Variants in RASSF6 observed in about 807,000 individuals in gnomAD.
The protein encoded by RASSF6 is ras association domain-containing protein 6.
RASSF6 carries 52 observed loss-of-function variants against 44.0 expected under a neutral mutation model. The ratio of observed to expected loss-of-function variants is 1.18; its 90% confidence interval spans 0.95 to 1.49. The LOEUF is 1.49. RASSF6 is among the 40% of genes most tolerant of loss of function. RASSF6 has a pLI of 0.00. For missense variants in RASSF6, 464 were observed against 393.3 expected (o/e 1.18, Z -1.52); for synonymous variants, 162 against 124.6 (o/e 1.30, Z -2.00).
chr4:73,613,480 C>T (rs1160197613), intron 1 of RASSF6, among the ~76,000 whole-genome samples: 1 of 152,126 alleles, frequency 6.6e-6, no homozygotes, highest in East Asian at 1.9e-4. Flanking sequence ...TCTAATAACC[C>T]ACCAAAAGGG....
At chr4:73,581,686 CTCCT>C in intron 8 of RASSF6, 127 bp downstream of exon 8, 2 of 587,090 alleles carry the variant, frequency 3.4e-6, no homozygotes, top group South Asian at 5.6e-5. Flanking sequence ...CTAAAGACCA[CTCCT>C]TCCTTTTCTC....
At chr4:73,584,206 G>A (rs534809309) in intron 6 of RASSF6, among the ~76,000 whole-genome samples, 5 of 152,066 alleles carry the variant, frequency 3.3e-5, no homozygotes, top group South Asian at 2.1e-4. Context: ...ACACACTATC[G>A]TTACCCCCCA....
intron 8 of RASSF6, among the ~76,000 whole-genome samples, chr4:73,579,391 T>C (rs1723457792): frequency 6.6e-6 from 1 of 152,198 alleles, no homozygotes; most frequent in Admixed American, 6.5e-5. Context: ...AAGTCATATT[T>C]TCACTAGTGT....
chr4:73,596,646 A>G (rs999298523), intron 3 of RASSF6, among the ~76,000 whole-genome samples: 2 of 152,226 alleles, frequency 1.3e-5, no homozygotes, highest in Admixed American at 6.5e-5. Flanking sequence ...ATATGAATCC[A>G]AAACAGCCTG....
chr4:73,582,167 T>G (rs778135548), intron 7 of RASSF6, 22 bp downstream of exon 7: 1 of 1,042,252 alleles, frequency 9.6e-7, no homozygotes, highest in East Asian at 2.5e-5. Context: ...TATTTATAGC[T>G]CAGTTAAGTG....
At chr4:73,576,870 A>G in intron 8 of RASSF6, 139 bp from the exon 9 acceptor site, 1 of 620,674 alleles carries the variant, frequency 1.6e-6, no homozygotes, top group Non-Finnish European at 2.9e-6. Flanking sequence ...TTACTCAAAA[A>G]AGCAAATTGA....
intron 2 of RASSF6, among the ~76,000 whole-genome samples, chr4:73,608,341 A>T (rs1463815830): frequency 5.3e-5 from 8 of 152,092 alleles, no homozygotes; most frequent in Non-Finnish European, 1.2e-4. Context: ...ACTAGGAATA[A>T]CAGATTATTA....
At chr4:73,613,564 C>T (rs1326486385) in intron 1 of RASSF6, among the ~76,000 whole-genome samples, 1 of 152,100 alleles carries the variant, frequency 6.6e-6, no homozygotes, top group African/African-American at 2.4e-5. Context: ...CTCCTGGGTC[C>T]AGATTATTTA....
intron 3 of RASSF6, among the ~76,000 whole-genome samples, chr4:73,597,669 C>T (rs1725020274): frequency 6.6e-6 from 1 of 152,148 alleles, no homozygotes; most frequent in Non-Finnish European, 1.5e-5. Flanking sequence ...GACATATTCA[C>T]ACATATGTTC....
intron 6 of RASSF6, among the ~76,000 whole-genome samples, chr4:73,583,721 T>A (rs1400818945): frequency 1.3e-5 from 2 of 151,976 alleles, no homozygotes; most frequent in African/African-American, 4.8e-5. Context: ...CTTGAGCTCA[T>A]TCAATCAACA....
intron 7 of RASSF6, 145 bp from the exon 8 acceptor site, chr4:73,582,013 A>G: frequency 2.9e-6 from 2 of 699,276 alleles, no homozygotes; most frequent in Non-Finnish European, 4.7e-6. Context: ...TGGGAATTAT[A>G]TAATTTTTCA....
Position 73,585,177 on chromosome 4 carries a change from T to A in RASSF6, c.567+3A>T. 6.3e-7 allele frequency: 1 copy of A among 1,576,904 alleles called. No homozygotes were observed. The highest frequency in any genetic ancestry group is 1.4e-5 in the African/African-American group (1 of 72,946). On this transcript the variant is annotated splice_donor_region_variant and intron_variant, in intron 6 of 10. Transcript: ENST00000307439. The stretch of plus-strand genomic sequence containing the variant: ...TACATTAATGGAATTGTAACTCACT[T>A]ACTTCATGGTTATAGAAGTGTCCAT...
chr4:73,607,436 T>C (rs1725716489), intron 2 of RASSF6, among the ~76,000 whole-genome samples: 1 of 152,228 alleles, frequency 6.6e-6, no homozygotes, highest in South Asian at 2.1e-4. Context: ...CCACCCACTG[T>C]CCTGAACTTT....
At chr4:73,620,151 C>A in intron 1 of RASSF6, 137 bp downstream of exon 1, 1 of 448,788 alleles carries the variant, frequency 2.2e-6, no homozygotes, top group East Asian at 4.3e-5. Flanking sequence ...AAGGAAAAGG[C>A]ATGTGTGCGA....
chr4:73,605,348 A>C (rs1725549887), intron 2 of RASSF6, among the ~76,000 whole-genome samples: 1 of 152,204 alleles, frequency 6.6e-6, no homozygotes, highest in Admixed American at 6.5e-5. Context: ...CTATTTGCCA[A>C]GATAAATCAT....
chr4:73,612,189 C>T (rs935979808), intron 1 of RASSF6, among the ~76,000 whole-genome samples: 23 of 152,148 alleles, frequency 1.5e-4, no homozygotes, highest in African/African-American at 4.3e-4. Context: ...CAGAAGACAA[C>T]TGCAATTCTA....
Position 73,576,261 on chromosome 4 carries a change from C to T in RASSF6, c.988G>A (p.Val330Ile), listed in dbSNP as rs1723206087. 1 of 1,560,340 alleles carries T rather than the reference C, an allele frequency of 6.4e-7. No homozygotes were observed. The highest frequency in any genetic ancestry group is 1.4e-5 in the African/African-American group (1 of 73,452). ...TAAACTGTTGTCTCTGTTTTTATTA[C>T]TAGTTTATTTTGAAGACATTTCAGT... ...IILKCLQNKL[V>I]IKTETTV The change falls in exon 11 of 11, where the codon GTA (valine) becomes ATA (isoleucine). Residue 330 changes from valine to isoleucine, a missense_variant. Transcript: ENST00000307439.
intron 4 of RASSF6, among the ~76,000 whole-genome samples, chr4:73,591,052 G>C (rs1560447973): frequency 4.6e-5 from 7 of 152,146 alleles, no homozygotes; most frequent in Admixed American, 3.9e-4. Context: ...AGGAACAAGT[G>C]TTTTAAATTT....
intron 6 of RASSF6, among the ~76,000 whole-genome samples, chr4:73,584,825 A>G (rs1723948106): frequency 1.3e-5 from 2 of 152,042 alleles, no homozygotes; most frequent in African/African-American, 4.8e-5. Context: ...GTGGTTAAAA[A>G]CTTGTGTTCT....
Sources: allele counts gnomAD v4.1 joint callset (sites outside exome capture counted in the v4.1 genomes callset), GRCh38; gene constraint gnomAD v4.1.1; transcripts MANE v1.5; gene names NCBI Gene and HGNC (gene_info 2026-07-23, HGNC 2026-07-21).